The following RPSA2 variants were observed in gnomAD, a reference collection of about 807,000 sequenced individuals.
RPSA2 encodes small ribosomal subunit protein uS2B.
the RPSA2 span, among the ~76,000 whole-genome samples, chr19:23,823,000 G>A: frequency 6.6e-6 from 1 of 152,078 alleles, no homozygotes; most frequent in Admixed American, 6.5e-5. Flanking sequence ...TTAACCATGA[G>A]TCAATACAAG....
At chr19:23,821,761 A>G in the RPSA2 span, among the ~76,000 whole-genome samples, 3 of 152,118 alleles carry the variant, frequency 2.0e-5, no homozygotes, top group South Asian at 2.1e-4. Flanking sequence ...AGCCTCAGCC[A>G]TCTCTTGGCT....
the RPSA2 span, among the ~76,000 whole-genome samples, chr19:23,846,115 G>GT: frequency 6.6e-6 from 1 of 152,004 alleles, no homozygotes; most frequent in Non-Finnish European, 1.5e-5. Context: ...TTTAAAGTCT[G>GT]TTTTATTTGA....
the RPSA2 span, among the ~76,000 whole-genome samples, chr19:23,788,055 C>T: frequency 6.6e-6 from 1 of 152,194 alleles, no homozygotes; most frequent in African/African-American, 2.4e-5. Context: ...TTGACTCCTG[C>T]CCAAGTGGTC....
the RPSA2 span, among the ~76,000 whole-genome samples, chr19:23,848,715 C>A: frequency 6.6e-6 from 1 of 152,194 alleles, no homozygotes; most frequent in Non-Finnish European, 1.5e-5. Flanking sequence ...GATCGAGACT[C>A]ATTAGCTGAT....
chr19:23,851,286 G>C, the RPSA2 span, among the ~76,000 whole-genome samples: 1 of 152,168 alleles, frequency 6.6e-6, no homozygotes, highest in Non-Finnish European at 1.5e-5. Flanking sequence ...GAGCAGCAGT[G>C]GACAGTAAGC....
chr19:23,855,896 G>T, the RPSA2 span, among the ~76,000 whole-genome samples: 2 of 152,128 alleles, frequency 1.3e-5, no homozygotes, highest in Admixed American at 6.6e-5. Context: ...GGCAAAGACC[G>T]CAAAGGTTTG....
chr19:23,868,167 C>A, the RPSA2 span, among the ~76,000 whole-genome samples: 3 of 152,260 alleles, frequency 2.0e-5, no homozygotes, highest in East Asian at 1.9e-4. Context: ...TCCCCAGCAG[C>A]CATTCCTAAA....
the RPSA2 span, among the ~76,000 whole-genome samples, chr19:23,816,601 C>G: frequency 6.6e-6 from 1 of 151,930 alleles, no homozygotes; most frequent in Non-Finnish European, 1.5e-5. Context: ...TTGTTTTGCA[C>G]AGTTTCTTTA....
the RPSA2 span, chr19:23,827,632 G>T: frequency 6.3e-7 from 1 of 1,593,688 alleles, no homozygotes; most frequent in South Asian, 1.1e-5. Flanking sequence ...TGCGCTATGT[G>T]GACATTGCCA....
the RPSA2 span, among the ~76,000 whole-genome samples, chr19:23,851,181 G>T: frequency 6.6e-6 from 1 of 151,074 alleles, no homozygotes; most frequent in African/African-American, 2.4e-5. Flanking sequence ...AGGAGCTAAT[G>T]TGAGTCACAT....
the RPSA2 span, among the ~76,000 whole-genome samples, chr19:23,846,338 G>T: frequency 2.0e-5 from 3 of 151,860 alleles, no homozygotes; most frequent in East Asian, 5.8e-4. Context: ...TTAAGGCTTT[G>T]TTACTGTCAT....
the RPSA2 span, chr19:23,799,268 T>G: frequency 6.6e-6 from 1 of 152,296 alleles, no homozygotes; most frequent in Non-Finnish European, 1.5e-5. Context: ...TGTATCTGTT[T>G]TAGAAGCCCT....
the RPSA2 span, among the ~76,000 whole-genome samples, chr19:23,850,929 GC>G: frequency 6.6e-6 from 1 of 152,170 alleles, no homozygotes; most frequent in Admixed American, 6.5e-5. Flanking sequence ...TTCCACAACA[GC>G]CTGTCCCTGA....
the RPSA2 span, among the ~76,000 whole-genome samples, chr19:23,859,036 C>A: frequency 0.013 from 1,964 of 152,274 alleles, 65 homozygotes; most frequent in Admixed American, 0.07. Context: ...ATTAAACCTC[C>A]AATCCTAAAC....
chr19:23,858,052 C>T, the RPSA2 span, among the ~76,000 whole-genome samples: 799 of 151,358 alleles, frequency 5.3e-3, 6 homozygotes, highest in Middle Eastern at 0.017. Flanking sequence ...TTTGGCTTTA[C>T]TTTGGGGTTT....
At chr19:23,863,571 A>G in the RPSA2 span, among the ~76,000 whole-genome samples, 30 of 151,688 alleles carry the variant, frequency 2.0e-4, no homozygotes, top group East Asian at 5.6e-3. Flanking sequence ...ACTCAAAAAA[A>G]AAAAAAAAAA....
the RPSA2 span, among the ~76,000 whole-genome samples, chr19:23,852,124 C>T: frequency 6.6e-6 from 1 of 152,178 alleles, no homozygotes; most frequent in African/African-American, 2.4e-5. Flanking sequence ...CAGCTGTACC[C>T]TAGACAACTG....
chr19:23,829,802 A>G, the RPSA2 span, among the ~76,000 whole-genome samples: 1 of 152,164 alleles, frequency 6.6e-6, no homozygotes, highest in Non-Finnish European at 1.5e-5. Flanking sequence ...GTTTATAATG[A>G]TTTCTATTCT....
chr19:23,843,971 C>T, the RPSA2 span, among the ~76,000 whole-genome samples: 1 of 152,102 alleles, frequency 6.6e-6, no homozygotes, highest in Non-Finnish European at 1.5e-5. Context: ...GTTGTCCAGC[C>T]TGGTCTCCAA....
Sources: gnomAD v4.1 joint callset for allele counts (sites outside exome capture counted in the v4.1 genomes callset) on GRCh38, gnomAD v4.1.1 for gene constraint, MANE v1.5 for transcripts, NCBI Gene and HGNC (gene_info 2026-07-23, HGNC 2026-07-21) for gene names.